DSC2: variants seen among roughly 807,000 people sequenced by gnomAD.
The protein encoded by DSC2 is desmocollin 2.
In DSC2, 51 loss-of-function variants were observed where a neutral mutation model predicts 87.6. The ratio of observed to expected loss-of-function variants is 0.58; its 90% CI spans 0.46 to 0.74. The LOEUF (loss-of-function observed/expected upper bound fraction) is 0.74, where lower values mean the gene tolerates loss of function less well. Among genes scored for constraint, DSC2 ranks in the 30% least tolerant of loss-of-function variants. The pLI is 0.00. For synonymous variants in DSC2, 383 were observed against 393.2 expected (o/e 0.97, Z 0.31); for missense variants, 1,066 against 1,089.5 (o/e 0.98, Z 0.30).
chr18:31,100,509 T>C (rs1987904649), intron 1 of DSC2, among the ~76,000 whole-genome samples: 2 of 152,248 alleles, frequency 1.3e-5, no homozygotes, highest in Non-Finnish European at 2.9e-5. Context: ...TCCTCATCTG[T>C]AAAATGTTAA....
intron 7 of DSC2, among the ~76,000 whole-genome samples, chr18:31,086,207 T>G (rs1314474767): frequency 2.6e-5 from 4 of 152,268 alleles, no homozygotes; most frequent in African/African-American, 9.6e-5. Flanking sequence ...AACCAGAGAT[T>G]AGAGAGACAT....
Position 31,101,931 on chromosome 18 carries a change from A to T in DSC2, c.41T>A (p.Leu14His). Residue 14 changes from leucine (L) to histidine (H), a missense_variant, in exon 1 of 16, where the codon CTC becomes CAC. Leu to His is a moderately conservative substitution (Grantham distance 99). Transcript: ENST00000280904. Reference sequence around the variant, plus strand: ...GAGGGTCAGCAGGAGCAGCCGGCAGAGGGCTCCGTTCCAGGAGCCGGAGGG... The same window carrying T: ...GAGGGTCAGCAGGAGCAGCCGGCAGTGGGCTCCGTTCCAGGAGCCGGAGGG... ...ARPSGSWNGA[L>H]CRLLLLTLAI... The T allele has an allele frequency of 6.5e-7, 1 of 1,530,554 alleles. No individual in the cohort carries two copies. The allele number at this position is 1,530,554 out of a possible 1,614,324, so 94.8% of individuals were successfully genotyped here. A position where few individuals can be genotyped will look rare whatever the true frequency, so the allele number is the denominator to read the frequency against.
At chr18:31,077,674 T>C (rs1987068459) in intron 11 of DSC2, among the ~76,000 whole-genome samples, 3 of 152,224 alleles carry the variant, frequency 2.0e-5, no homozygotes, top group African/African-American at 7.2e-5. Flanking sequence ...CAGCATAAAA[T>C]GCTCATCTTC....
rs191228320 is a variant in DSC2, at chr18:31,066,745, T to G, written c.*1270A>C. The G allele has an allele frequency of 6.6e-6, 1 of 152,190 alleles. No individual in the cohort carries two copies. The highest frequency in any genetic ancestry group is 1.5e-5 in the Non-Finnish European group (1 of 68,012). The allele number at this position is 152,190 out of a possible 1,614,324, so 9.4% of individuals were successfully genotyped here. ...TAGTTTGGCTCATTTCTACATTTGT[T>G]AAAATTGTAATCTTAAAATATTAAA... On this transcript the variant is annotated 3_prime_UTR_variant, in exon 16 of 16. Coordinates refer to ENST00000280904, the MANE Select transcript of DSC2 (RefSeq NM_024422.6).
rs781419827 is a variant in DSC2, at chr18:31,071,749, C to T, written c.1981G>A (p.Val661Ile). The T allele has an allele frequency of 8.4e-5, 136 of 1,613,728 alleles. 2 individuals are homozygous for T. The South Asian group carries it at 1.4e-3, about 16-fold the overall frequency. The stretch of plus-strand genomic sequence containing the variant: ...CACAGTGTAACATCCAATGAAGTGA[C>T]ACTAGACATGCCAAGTCTATCTCTC... ...TVRDRLGMSSVTSLDVTLCDC... is the reference protein window; with the variant it reads ...TVRDRLGMSSITSLDVTLCDC... The change falls in exon 13 of 16, where the codon GTC (valine) becomes ATC (isoleucine). Residue 661 changes from valine (V) to isoleucine (I), a missense_variant. Coordinates refer to ENST00000280904, the MANE Select transcript of DSC2 (RefSeq NM_024422.6).
chr18:31,079,413 C>G (rs1987129834), intron 11 of DSC2, among the ~76,000 whole-genome samples: 1 of 151,946 alleles, frequency 6.6e-6, no homozygotes, highest in Non-Finnish European at 1.5e-5. Context: ...GCCACTACAC[C>G]CAGCTAATTT....
chr18:31,058,930 A>C lies in DSC2; in HGVS notation c.*9085T>G, dbSNP rs1986448802. On this transcript the variant is annotated 3_prime_UTR_variant, in exon 16 of 16. Transcript: ENST00000280904. Reference sequence around the variant, plus strand: ...TTTTTGAGAGCAGAGGCCATATCTTACATACAGTAGATACCAAATAAATTT... The same window carrying C: ...TTTTTGAGAGCAGAGGCCATATCTTCCATACAGTAGATACCAAATAAATTT... The C allele has an allele frequency of 6.6e-6, 1 of 152,330 alleles. No individual in the cohort carries two copies. The highest frequency in any genetic ancestry group is 1.9e-4 in the East Asian group (1 of 5,184). 9.4% of individuals were successfully genotyped at this position (152,330 alleles called of 1,614,324 possible). A position where few individuals can be genotyped will look rare whatever the true frequency, so the allele number is the denominator to read the frequency against.
rs1986953713 is a variant in DSC2 at position 31,074,745 on chromosome 18, T to A, written c.1826A>T (p.Asp609Val). The A allele has an allele frequency of 1.9e-6, 3 of 1,613,846 alleles. No individual in the cohort carries two copies. Among genetic ancestry groups the A allele is most frequent in the South Asian group, 1.1e-5 (1 of 91,074 alleles). Residue 609 changes from aspartate to valine, a missense_variant, in exon 12 of 16, where the codon GAC becomes GTC. Asp to Val is a radical substitution (Grantham distance 152). Transcript: ENST00000280904. ...PDEPIHGPPF[D>V]FSLESSTSEV... The stretch of plus-strand genomic sequence containing the variant: ...TGAAGTAGAACTCTCCAGACTAAAG[T>A]CAAAGGGTGGGCCATGGATAGGCTC...
rs1157738158 is a variant in DSC2, at chr18:31,080,269, T to C, written c.1347A>G (p.Pro449=). The change falls in exon 10 of 16, where the codon CCA becomes CCG. Residue 449 remains proline, a synonymous_variant. Coordinates refer to ENST00000280904, the MANE Select transcript of DSC2 (RefSeq NM_024422.6). ...NEAPFSREAS[P]RSAMSTATVT... ...CTGTTGCTGTGCTCATGGCTGATCT[T>C]GGACTAGCCTCTCTGGAAAATGGAG... 8 of 1,613,990 alleles carry C rather than the reference T, an allele frequency of 5.0e-6. No homozygotes were observed. The highest frequency in any genetic ancestry group is 6.8e-6 in the Non-Finnish European group (8 of 1,180,014).
rs889101076 is a variant in DSC2 at position 31,059,046 on chromosome 18, T to C, written c.*8969A>G. 1 of 152,180 alleles carries C rather than the reference T, an allele frequency of 6.6e-6. No individual in the cohort carries two copies. The highest frequency in any genetic ancestry group is 6.5e-5 in the Admixed American group (1 of 15,274). 9.4% of individuals were successfully genotyped at this position (152,180 alleles called of 1,614,324 possible). On this transcript the variant is annotated 3_prime_UTR_variant, in exon 16 of 16. Coordinates refer to ENST00000280904, the MANE Select transcript of DSC2 (RefSeq NM_024422.6). ...ACTAGGGAGGTTCAGGTTACACAGA[T>C]GGTTTGTGGTAGAGCCCAGATCTGA...
intron 12 of DSC2, among the ~76,000 whole-genome samples, chr18:31,074,199 C>T (rs1986926795): frequency 6.6e-6 from 1 of 152,260 alleles, no homozygotes; most frequent in South Asian, 2.1e-4. Flanking sequence ...TCCTACTTCT[C>T]CTCCTTTCAA....
At chr18:31,100,702 T>C (rs1381286459) in intron 1 of DSC2, among the ~76,000 whole-genome samples, 2 of 152,330 alleles carry the variant, frequency 1.3e-5, no homozygotes, top group East Asian at 3.9e-4. Flanking sequence ...ATTATACGAA[T>C]ATTTCAGCCC....
At chr18:31,070,269 C>G (rs1986779322) in intron 14 of DSC2, among the ~76,000 whole-genome samples, 1 of 152,128 alleles carries the variant, frequency 6.6e-6, no homozygotes, top group East Asian at 1.9e-4. Context: ...TATATTTGGC[C>G]TCAGGCTGTT....
Position 31,068,988 on chromosome 18 carries a change from G to T in DSC2, c.2414C>A (p.Thr805Asn), listed in dbSNP as rs1986727958. The change falls in exon 15 of 16, where the codon ACC becomes AAC. Residue 805 changes from threonine to asparagine, a missense_variant. Physicochemically the swap from Thr to Asn is moderately conservative, Grantham distance 65. Transcript: ENST00000280904. Reference sequence around the variant, plus strand: ...GTGTCCTCCCCTGCAGGAGTCCAGGGTGTGATGGTGGCCAGCCCCCCGGCA... The same window carrying T: ...GTGTCCTCCCCTGCAGGAGTCCAGGTTGTGATGGTGGCCAGCCCCCCGGCA... The part of the protein sequence containing the change: ...ESCRGAGHHH[T>N]LDSCRGGHTE... 6.2e-7 allele frequency: 1 copy of T among 1,614,072 alleles called. No homozygotes were observed. The highest frequency in any genetic ancestry group is 8.5e-7 in the Non-Finnish European group (1 of 1,179,988).
intron 7 of DSC2, among the ~76,000 whole-genome samples, chr18:31,084,836 G>A (rs940356327): frequency 1.3e-5 from 2 of 151,998 alleles, no homozygotes; most frequent in Non-Finnish European, 2.9e-5. Context: ...GAGAAGCTTG[G>A]AAAACCTTTA....
At chr18:31,098,702 A>T (rs1987841673) in intron 1 of DSC2, among the ~76,000 whole-genome samples, 1 of 151,928 alleles carries the variant, frequency 6.6e-6, no homozygotes, top group Admixed American at 6.6e-5. Context: ...TGATCCTCCC[A>T]CCTCAGGCTC....
intron 9 of DSC2, among the ~76,000 whole-genome samples, chr18:31,081,802 A>C (rs941766765): frequency 1.3e-5 from 2 of 152,168 alleles, no homozygotes; most frequent in Admixed American, 1.3e-4. Context: ...CTGGATGCTA[A>C]GGATGTAATA....
intron 1 of DSC2, among the ~76,000 whole-genome samples, chr18:31,100,963 G>T (rs576251273): frequency 3.7e-4 from 57 of 152,232 alleles, no homozygotes; most frequent in African/African-American, 1.3e-3. Flanking sequence ...TCAAGCCTGG[G>T]AAAGGGGCTG....
At position 31,071,569 on chromosome 18, in the gene DSC2, G is replaced by A. The variant is rs370282803; in HGVS notation, c.2125+36C>T. On this transcript the variant is annotated intron_variant, in intron 13 of 15. Transcript: ENST00000280904. ...AGTGTCTTGAAAGTTACTTTAAAGG[G>A]TATTATTTGAATTCAAGAAAGGACT... 3.8e-6 allele frequency: 6 copies of A among 1,575,664 alleles called. No homozygotes were observed. In the African/African-American group the frequency reaches 6.7e-5, roughly 18 times the overall value.
Sources: gnomAD v4.1 joint callset for allele counts (sites outside exome capture counted in the v4.1 genomes callset) on GRCh38, gnomAD v4.1.1 for gene constraint, MANE v1.5 for transcripts, NCBI Gene and HGNC (gene_info 2026-07-23, HGNC 2026-07-21) for gene names.